FSTL4: variants seen among roughly 807,000 people sequenced by gnomAD.
The protein encoded by FSTL4 is follistatin-related protein 4.
FSTL4 carries 28 observed loss-of-function variants against 78.2 expected under a neutral mutation model. That is an observed-to-expected ratio of 0.36 (90% CI 0.27 to 0.49). The LOEUF (loss-of-function observed/expected upper bound fraction) is 0.49, where lower values mean the gene tolerates loss of function less well. FSTL4 is among the 20% of genes least tolerant of loss of function. The pLI is 0.98. For missense variants in FSTL4, 922 were observed against 1,084.9 expected, an observed-to-expected ratio of 0.85 and a Z score of 2.11; for synonymous variants, 422 against 440.5, an observed-to-expected ratio of 0.96 and a Z score of 0.53.
At chr5:133,575,454 T>C (rs111760376) in intron 2 of FSTL4, among the ~76,000 whole-genome samples, 1 of 133,668 alleles carries the variant, frequency 7.5e-6, no homozygotes, top group Non-Finnish European at 1.6e-5. Flanking sequence ...AATAATAAGC[T>C]TGTCCCATGC....
the FSTL4 span, among the ~76,000 whole-genome samples, chr5:133,791,357 T>C: frequency 1.4e-4 from 21 of 152,286 alleles, no homozygotes; most frequent in South Asian, 1.2e-3. Flanking sequence ...CACTTACCTC[T>C]TCCTAACATA....
intron 5 of FSTL4, among the ~76,000 whole-genome samples, chr5:133,314,013 G>A (rs1188842613): frequency 6.6e-6 from 1 of 152,204 alleles, no homozygotes; most frequent in Admixed American, 6.5e-5. Flanking sequence ...AATGGCTTCA[G>A]GTGCCTCAGG....
intron 4 of FSTL4, among the ~76,000 whole-genome samples, chr5:133,320,345 G>A (rs1754016886): frequency 6.6e-6 from 1 of 151,914 alleles, no homozygotes; most frequent in Non-Finnish European, 1.5e-5. Flanking sequence ...TTCACTGTGG[G>A]GTCAGATAGG....
At chr5:133,824,139 A>G in the FSTL4 span, among the ~76,000 whole-genome samples, 1 of 152,224 alleles carries the variant, frequency 6.6e-6, no homozygotes, top group African/African-American at 2.4e-5. Flanking sequence ...AGCAGACACC[A>G]GCTGGGTGTC....
chr5:133,265,019 T>C (rs55924278), intron 6 of FSTL4, among the ~76,000 whole-genome samples: 28,658 of 152,166 alleles, frequency 0.19, 3,358 homozygotes, highest in South Asian at 0.27. Flanking sequence ...CCCACTCCTC[T>C]GAAGCCACAC....
chr5:133,210,442 C>G, intron 13 of FSTL4, 144 bp from the exon 14 acceptor site: 1 of 429,012 alleles, frequency 2.3e-6, no homozygotes. Context: ...AGGGCAGAAG[C>G]TTCCCCTCTG....
At chr5:133,662,492 G>T in the FSTL4 span, among the ~76,000 whole-genome samples, 1 of 152,172 alleles carries the variant, frequency 6.6e-6, no homozygotes, top group Non-Finnish European at 1.5e-5. Flanking sequence ...ATACACCGTG[G>T]AGGGAGGAGG....
chr5:133,597,207 C>A (rs926567564), intron 2 of FSTL4, among the ~76,000 whole-genome samples: 1 of 152,210 alleles, frequency 6.6e-6, no homozygotes, highest in African/African-American at 2.4e-5. Context: ...GGCAGAAGGA[C>A]AATGGCTCTG....
intron 3 of FSTL4, among the ~76,000 whole-genome samples, chr5:133,415,389 A>G (rs1361201781): frequency 1.3e-5 from 2 of 152,230 alleles, no homozygotes; most frequent in East Asian, 3.8e-4. Flanking sequence ...TGGTGGCAAA[A>G]TTAGACAATC....
chr5:133,619,069 C>T, the FSTL4 span, among the ~76,000 whole-genome samples: 3 of 152,160 alleles, frequency 2.0e-5, no homozygotes, highest in African/African-American at 7.2e-5. Flanking sequence ...TGGTCTAAGC[C>T]AATCATGAAG....
At chr5:133,580,054 T>G (rs1760368173) in intron 2 of FSTL4, among the ~76,000 whole-genome samples, 1 of 152,224 alleles carries the variant, frequency 6.6e-6, no homozygotes, top group East Asian at 1.9e-4. Flanking sequence ...CACCCTCTTC[T>G]CCAAAGGGAC....
At chr5:133,613,109 G>T (rs1345927731), upstream of FSTL4, among the ~76,000 whole-genome samples, 10 of 152,246 alleles carry the variant, frequency 6.6e-5, no homozygotes, top group African/African-American at 2.2e-4. Context: ...TGGGCCCAGA[G>T]GGTCCCTTCT....
chr5:133,469,556 TG>T (rs1160907220), intron 3 of FSTL4, among the ~76,000 whole-genome samples: 6 of 152,330 alleles, frequency 3.9e-5, no homozygotes, highest in African/African-American at 1.4e-4. Flanking sequence ...CATGTTAAAC[TG>T]GGAATGCCAC....
intron 3 of FSTL4, among the ~76,000 whole-genome samples, chr5:133,527,840 C>T (rs1759168370): frequency 6.6e-6 from 1 of 152,172 alleles, no homozygotes; most frequent in Non-Finnish European, 1.5e-5. Context: ...GTCCAAGTAA[C>T]CCCCCTGATA....
the FSTL4 span, among the ~76,000 whole-genome samples, chr5:133,827,021 G>A: frequency 4.8e-3 from 733 of 152,288 alleles, 3 homozygotes; most frequent in African/African-American, 0.014. Flanking sequence ...TGACAGTCCC[G>A]CCCCAGGCCC....
At chr5:133,663,344 G>A in the FSTL4 span, among the ~76,000 whole-genome samples, 1 of 152,166 alleles carries the variant, frequency 6.6e-6, no homozygotes, top group African/African-American at 2.4e-5. Context: ...CACTGGGGGA[G>A]GTTTCATGAA....
At chr5:133,672,291 G>C in the FSTL4 span, among the ~76,000 whole-genome samples, 1 of 152,248 alleles carries the variant, frequency 6.6e-6, no homozygotes, top group Non-Finnish European at 1.5e-5. Context: ...GCCGTAGATA[G>C]TGATGGCTCC....
At chr5:133,304,953 T>G (rs1033397174) in intron 6 of FSTL4, among the ~76,000 whole-genome samples, 3 of 152,204 alleles carry the variant, frequency 2.0e-5, no homozygotes, top group African/African-American at 7.2e-5. Flanking sequence ...CCTGACAACT[T>G]TTCCTGCACA....
the FSTL4 span, among the ~76,000 whole-genome samples, chr5:133,689,540 C>T: frequency 6.6e-5 from 10 of 152,150 alleles, no homozygotes; most frequent in African/African-American, 1.4e-4. Flanking sequence ...CAGATAGTTG[C>T]GTATGCTATG....
Sources: allele counts gnomAD v4.1 joint callset (sites outside exome capture counted in the v4.1 genomes callset), GRCh38; gene constraint gnomAD v4.1.1; transcripts MANE v1.5; gene names NCBI Gene and HGNC (gene_info 2026-07-23, HGNC 2026-07-21).